The following ROBO2 variants were observed in gnomAD, a reference collection of about 807,000 sequenced individuals.
ROBO2 encodes the protein roundabout guidance receptor 2, also known as roundabout homolog 2.
In ROBO2, 53 loss-of-function variants were observed where a neutral mutation model predicts 160.8. The ratio of observed to expected loss-of-function variants is 0.33; its 90% CI spans 0.26 to 0.41. The LOEUF (loss-of-function observed/expected upper bound fraction) is 0.41. ROBO2 is among the 10% of genes least tolerant of loss of function. ROBO2 has a pLI of 1.00. For missense variants in ROBO2, 1,577 were observed against 1,722.4 expected (o/e 0.92, Z 1.49); for synonymous variants, 664 against 611.7 (o/e 1.09, Z -1.26).
chr3:76,994,871 T>C (rs1022763230), intron 2 of ROBO2, among the ~76,000 whole-genome samples: 30 of 152,224 alleles, frequency 2.0e-4, no homozygotes, highest in African/African-American at 7.0e-4. Flanking sequence ...CATATCAAAG[T>C]TGGAAAAACC....
chr3:76,030,799 G>A (rs569995736), intron 2 of ROBO2, among the ~76,000 whole-genome samples: 9 of 152,114 alleles, frequency 5.9e-5, no homozygotes, highest in Admixed American at 1.3e-4. Flanking sequence ...GTCAGGTAGC[G>A]TGATGCCTCC....
exon 20 of ROBO2, chr3:77,602,277 T>C: frequency 6.2e-7 from 1 of 1,614,154 alleles, no homozygotes; most frequent in Non-Finnish European, 8.5e-7. Context: ...GAGCCATTTA[T>C]AGTAGCATTG....
At chr3:77,646,973 C>A (rs1186302334) in exon 26 of ROBO2, 3 of 152,422 alleles carry the variant, frequency 2.0e-5, no homozygotes. Flanking sequence ...AAAACATTTT[C>A]TGAATTATCG....
intron 2 of ROBO2, among the ~76,000 whole-genome samples, chr3:76,621,518 C>T (rs575202901): frequency 6.6e-6 from 1 of 152,344 alleles, no homozygotes. Flanking sequence ...TTAAGAACTA[C>T]TGGATATTGA....
Position 76,551,710 on chromosome 3 carries a change from T to C in ROBO2, c.110-546304T>C, listed in dbSNP as rs545268922. Among the ~76,000 whole-genome samples the C allele has an allele frequency of 2.0e-3, 309 of 152,212 alleles. 2 individuals are homozygous for C. Among genetic ancestry groups the C allele is most frequent in the African/African-American group, 6.1e-3 (253 of 41,546 alleles). On this transcript the variant is annotated intron_variant, in intron 2 of 26. Coordinates refer to the ROBO2 transcript ENST00000487694. ...ATCTCTACACTTCCAGGCACCACCA[T>C]GTTCCCCTTGTCCAGATATGGGTGC...
At chr3:76,514,357 A>G (rs1380935163) in intron 2 of ROBO2, among the ~76,000 whole-genome samples, 1 of 152,226 alleles carries the variant, frequency 6.6e-6, no homozygotes, top group African/African-American at 2.4e-5. Flanking sequence ...AGAACTGCTT[A>G]AGATACCATC....
intron 2 of ROBO2, among the ~76,000 whole-genome samples, chr3:76,489,624 C>T (rs1037544693): frequency 6.6e-6 from 1 of 152,090 alleles, no homozygotes; most frequent in African/African-American, 2.4e-5. Flanking sequence ...TTTATAACTT[C>T]TCACATGGCC....
chr3:76,538,151 TCA>T (rs3223397), intron 2 of ROBO2, among the ~76,000 whole-genome samples: 44,546 of 146,066 alleles, frequency 0.3, 8,013 homozygotes, highest in Non-Finnish European at 0.41. Flanking sequence ...CTGACAGAAC[TCA>T]CACACACACA....
chr3:77,518,949 T>G (rs1265547189), intron 5 of ROBO2, among the ~76,000 whole-genome samples: 1 of 151,558 alleles, frequency 6.6e-6, no homozygotes, highest in East Asian at 1.9e-4. Context: ...CTGGCCCATG[T>G]CACCAGACTA....
intron 6 of ROBO2, chr3:77,527,409 C>G: frequency 2.3e-6 from 3 of 1,287,964 alleles, no homozygotes; most frequent in Non-Finnish European, 3.0e-6. Flanking sequence ...ACAGCTCGCC[C>G]TGTTGGTAAG....
intron 2 of ROBO2, among the ~76,000 whole-genome samples, chr3:76,236,326 A>G (rs757439377): frequency 4.6e-5 from 7 of 152,060 alleles, no homozygotes; most frequent in Admixed American, 1.3e-4. Context: ...AATTATGTCA[A>G]TGTTTATCTT....
intron 2 of ROBO2, among the ~76,000 whole-genome samples, chr3:76,223,276 T>C (rs1326387350): frequency 6.6e-6 from 1 of 151,830 alleles, no homozygotes; most frequent in Non-Finnish European, 1.5e-5. Flanking sequence ...CAGCATTATT[T>C]TATATTCCAA....
chr3:76,693,604 G>A (rs533451898), intron 2 of ROBO2, among the ~76,000 whole-genome samples: 6 of 151,990 alleles, frequency 3.9e-5, no homozygotes, highest in Non-Finnish European at 8.8e-5. Flanking sequence ...GAGTACCAGC[G>A]AAGCCATGAC....
intron 2 of ROBO2, among the ~76,000 whole-genome samples, chr3:76,096,748 C>A (rs1299107940): frequency 6.6e-6 from 1 of 152,158 alleles, no homozygotes; most frequent in Non-Finnish European, 1.5e-5. Flanking sequence ...TTGCTATTAT[C>A]TTCATTTCAT....
intron 2 of ROBO2, among the ~76,000 whole-genome samples, chr3:77,245,405 A>C (rs1167317852): frequency 2.0e-5 from 3 of 152,114 alleles, no homozygotes; most frequent in Non-Finnish European, 4.4e-5. Flanking sequence ...GACTCAGAAA[A>C]CCAGGGGAGG....
intron 2 of ROBO2, among the ~76,000 whole-genome samples, chr3:76,809,741 A>T (rs942960552): frequency 1.3e-5 from 2 of 152,160 alleles, no homozygotes; most frequent in Non-Finnish European, 2.9e-5. Flanking sequence ...ATTTTAAAAA[A>T]ATTTTAAAGG....
intron 2 of ROBO2, among the ~76,000 whole-genome samples, chr3:76,885,204 T>C (rs2073756934): frequency 6.6e-6 from 1 of 152,194 alleles, no homozygotes; most frequent in Admixed American, 6.5e-5. Context: ...TGATTATTTC[T>C]GTGGGTAATT....
At chr3:76,633,139 T>C (rs898335008) in intron 2 of ROBO2, among the ~76,000 whole-genome samples, 2 of 152,200 alleles carry the variant, frequency 1.3e-5, no homozygotes, top group African/African-American at 4.8e-5. Context: ...AGAAGAGAAT[T>C]TTTAAATGTG....
rs140933224 is a variant in ROBO2, at chr3:76,643,538, TA to T, written c.110-454472del. Among the ~76,000 whole-genome samples the T allele has an allele frequency of 9.1e-3, 1,390 of 152,310 alleles. 15 individuals carry two copies. Among genetic ancestry groups the T allele is most frequent in the African/African-American group, 0.032 (1,313 of 41,574 alleles). Reference sequence around the variant, plus strand: ...GCAAACCTAAGACTGTTGAAAATGTTAAAATATAAAAGCTTCATCTTACTTA... The same window carrying T: ...GCAAACCTAAGACTGTTGAAAATGTTAAATATAAAAGCTTCATCTTACTTA... On this transcript the variant is annotated intron_variant, in intron 2 of 26. Transcript: ENST00000487694.
Sources: allele counts gnomAD v4.1 joint callset (sites outside exome capture counted in the v4.1 genomes callset), GRCh38; gene constraint gnomAD v4.1.1; transcripts MANE v1.5; gene names NCBI Gene and HGNC (gene_info 2026-07-23, HGNC 2026-07-21).